The following CCNH variants were observed in gnomAD, a reference collection of about 807,000 sequenced individuals.
CCNH encodes the protein cyclin H, also known as cyclin-H.
In CCNH, 31 loss-of-function variants were observed where a neutral mutation model predicts 41.9. The observed-to-expected ratio is 0.74, with a 90% CI of 0.56 to 1.00. The LOEUF is 1.00. Ranked by LOEUF, CCNH falls within the 50% of genes least tolerant of loss-of-function variation. CCNH has a pLI of 0.00. For synonymous variants in CCNH, 138 were observed against 136.1 expected, an observed-to-expected ratio of 1.01 and a Z score of -0.10; for missense variants, 362 against 388.4, an observed-to-expected ratio of 0.93 and a Z score of 0.57.
the CCNH span, among the ~76,000 whole-genome samples, chr5:87,312,335 C>CA: frequency 6.6e-6 from 1 of 152,116 alleles, no homozygotes; most frequent in Non-Finnish European, 1.5e-5. Context: ...AACATTTGTA[C>CA]AAAAATGTAA....
At chr5:87,372,333 A>T, downstream of CCNH, 2 of 739,438 alleles carry the variant, frequency 2.7e-6, no homozygotes, top group Non-Finnish European at 4.7e-6. Flanking sequence ...GTAGCAGGAA[A>T]ACGTTACTTC....
chr5:87,320,086 A>G (rs563924446), intron 9 of CCNH, among the ~76,000 whole-genome samples: 26 of 152,296 alleles, frequency 1.7e-4, no homozygotes, highest in African/African-American at 6.3e-4. Flanking sequence ...CTGCTAAATC[A>G]TAGCAAGAGT....
At chr5:87,404,662 A>T (rs1763652514) in intron 5 of CCNH, among the ~76,000 whole-genome samples, 182 bp downstream of exon 5, 1 of 152,220 alleles carries the variant, frequency 6.6e-6, no homozygotes, top group Non-Finnish European at 1.5e-5. Context: ...TCCTAAATGT[A>T]TCCTCTTAGT....
intron 9 of CCNH, among the ~76,000 whole-genome samples, chr5:87,384,142 G>A (rs546372874): frequency 6.6e-6 from 1 of 152,218 alleles, no homozygotes; most frequent in East Asian, 1.9e-4. Flanking sequence ...CTGCCAGCTA[G>A]ATCTTCAAGA....
At chr5:87,379,451 A>G (rs1761553356), upstream of CCNH, among the ~76,000 whole-genome samples, 1 of 152,222 alleles carries the variant, frequency 6.6e-6, no homozygotes, top group Non-Finnish European at 1.5e-5. Context: ...AGCCTCATTC[A>G]GAAAAGCTTT....
intron 9 of CCNH, among the ~76,000 whole-genome samples, chr5:87,364,942 G>A (rs1252484241): frequency 6.6e-6 from 1 of 152,170 alleles, no homozygotes; most frequent in Non-Finnish European, 1.5e-5. Context: ...CACCCAAATA[G>A]TGAGGCTGCT....
intron 9 of CCNH, chr5:87,338,233 G>T (rs890825963): frequency 1.5e-6 from 2 of 1,326,448 alleles, no homozygotes; most frequent in African/African-American, 3.0e-5. Flanking sequence ...TATAAGTGCT[G>T]TTTGTTAGTA....
downstream of CCNH, among the ~76,000 whole-genome samples, chr5:87,315,114 A>C (rs1251693842): frequency 6.6e-6 from 1 of 152,240 alleles, no homozygotes; most frequent in Non-Finnish European, 1.5e-5. Flanking sequence ...GTTCATAAAG[A>C]AGTACAGAAT....
chr5:87,396,522 G>A (rs1316828317), intron 7 of CCNH, among the ~76,000 whole-genome samples: 3 of 152,156 alleles, frequency 2.0e-5, no homozygotes, highest in African/African-American at 7.2e-5. Context: ...CTACTTGGAA[G>A]GCTGAGGCAG....
intron 9 of CCNH, among the ~76,000 whole-genome samples, chr5:87,347,541 T>A (rs1758950331): frequency 6.6e-6 from 1 of 152,028 alleles, no homozygotes; most frequent in South Asian, 2.1e-4. Flanking sequence ...ATAGTTTCTA[T>A]ATTTGGTGAA....
At chr5:87,374,717 G>A (rs1431605585), downstream of CCNH, 1 of 1,392,826 alleles carries the variant, frequency 7.2e-7, no homozygotes, top group South Asian at 1.3e-5. Flanking sequence ...CTGGTTTTAG[G>A]TCTAGCACAC....
intron 9 of CCNH, chr5:87,341,457 T>A: frequency 4.5e-6 from 2 of 444,644 alleles, no homozygotes; most frequent in Non-Finnish European, 7.6e-6. Context: ...AGGGAACTGA[T>A]TTCTAAATAT....
chr5:87,341,446 T>G, intron 9 of CCNH: 1 of 486,244 alleles, frequency 2.1e-6, no homozygotes, highest in East Asian at 3.8e-5. Flanking sequence ...AAATTTGGCT[T>G]AGGGAACTGA....
Position 87,412,641 on chromosome 5 carries a change from T to G in CCNH, c.117+37A>C, listed in dbSNP as rs755553102. ...GCTCCCGCAGCTGCTCAGAATTTAG[T>G]GACCGGGCAACTGGGCAACCGTTGG... On this transcript the variant is annotated intron_variant, in intron 1 of 8. Transcript: ENST00000256897. 4.3e-6 allele frequency: 7 copies of G among 1,610,104 alleles called. No individual in the cohort carries two copies. In the Admixed American group the frequency reaches 1.2e-4, roughly 27 times the overall value.
Position 87,394,389 on chromosome 5 carries a change from T to TTGA in CCNH, c.*54_*56dup, listed in dbSNP as rs1762749554. On this transcript the variant is annotated 3_prime_UTR_variant, in exon 9 of 9. Transcript: ENST00000256897. ...ATACTTTTTAAATAAAGTTAAACGT[T>TTGA]TGATATGCTTCCTACTTCTCTTGAT... 1.9e-6 allele frequency: 3 copies of TTGA among 1,582,284 alleles called. No homozygotes were observed. Among genetic ancestry groups the TTGA allele is most frequent in the Non-Finnish European group, 2.6e-6 (3 of 1,163,964 alleles).
chr5:87,407,263 GAT>G (rs1010392535), intron 4 of CCNH, among the ~76,000 whole-genome samples: 3 of 152,078 alleles, frequency 2.0e-5, no homozygotes, highest in Admixed American at 6.6e-5. Context: ...GAGCACACTG[GAT>G]ATATGATTGT....
intron 9 of CCNH, among the ~76,000 whole-genome samples, chr5:87,325,218 A>G (rs1374234411): frequency 1.3e-5 from 2 of 152,214 alleles, no homozygotes; most frequent in African/African-American, 4.8e-5. Context: ...AGAACTCACT[A>G]TCACAATAAC....
In CCNH at chr5:87,334,469, A is replaced by G. The variant is rs543506786; in HGVS notation, c.*91-15572T>C. 7.2e-5 allele frequency among the ~76,000 whole-genome samples: 11 copies of G among 152,302 alleles called. No individual in the cohort carries two copies. The East Asian group carries it at 1.5e-3, about 21-fold the overall frequency. On this transcript the variant is annotated intron_variant and NMD_transcript_variant, in intron 9 of 9. Coordinates refer to the CCNH transcript ENST00000645953. ...CCTCACAGAGAAACCCAGAAATATA[A>G]TGTTTAATCTGGGAACCCTATGGCC...
chr5:87,313,143 A>C, the CCNH span, among the ~76,000 whole-genome samples: 2 of 152,206 alleles, frequency 1.3e-5, no homozygotes, highest in Non-Finnish European at 2.9e-5. Context: ...TAGGGTGTTT[A>C]AGTGAGGAAA....
Sources: gnomAD v4.1 joint callset for allele counts (sites outside exome capture counted in the v4.1 genomes callset) on GRCh38, gnomAD v4.1.1 for gene constraint, MANE v1.5 for transcripts, NCBI Gene and HGNC (gene_info 2026-07-23, HGNC 2026-07-21) for gene names.